CGNL1: variants seen among roughly 807,000 people sequenced by gnomAD.
CGNL1 encodes the protein cingulin like 1.
A neutral mutation model predicts 141.2 loss-of-function variants in CGNL1; 132 were observed. The ratio of observed to expected loss-of-function variants is 0.93; its 90% CI spans 0.81 to 1.08. The LOEUF is 1.08. Ranked by LOEUF, CGNL1 falls within the 50% of genes least tolerant of loss-of-function variation. The pLI, the probability that CGNL1 is intolerant of heterozygous loss-of-function variation, is 0.00. For missense variants in CGNL1, 1,870 were observed against 1,588.6 expected, an observed-to-expected ratio of 1.18 and a Z score of -3.01; for synonymous variants, 690 against 622.1, an observed-to-expected ratio of 1.11 and a Z score of -1.63.
In CGNL1 at chr15:57,498,912, C is replaced by T. The variant is rs556933209; in HGVS notation, c.2404-17868C>T. ...GGTGTGAGATGGGGCTGGAAGGGTA[C>T]GTAGATGATACAGACATTGGGGACT... is the stretch of plus-strand genomic sequence containing the variant. On this transcript the variant is annotated intron_variant, in intron 8 of 18. Transcript: ENST00000281282. Among the ~76,000 whole-genome samples, 295 of 148,614 alleles carry T rather than the reference C, an allele frequency of 2.0e-3. 2 individuals carry two copies. The highest frequency in any genetic ancestry group is 6.9e-3 in the Middle Eastern group (2 of 290).
chr15:57,469,703 A>G (rs1242194485), intron 8 of CGNL1, among the ~76,000 whole-genome samples: 1 of 150,706 alleles, frequency 6.6e-6, no homozygotes. Flanking sequence ...TAATGTTGAA[A>G]CTTTTCTCCC....
intron 2 of CGNL1, among the ~76,000 whole-genome samples, chr15:57,439,875 C>G (rs1053169622): frequency 1.3e-5 from 2 of 152,122 alleles, no homozygotes; most frequent in African/African-American, 4.8e-5. Flanking sequence ...CTCAATTGTT[C>G]TGTTTGTGTA....
At chr15:57,399,066 G>T (rs569418699) in intron 1 of CGNL1, among the ~76,000 whole-genome samples, 1 of 152,206 alleles carries the variant, frequency 6.6e-6, no homozygotes, top group East Asian at 1.9e-4. Flanking sequence ...ATAGAGGATT[G>T]GCTAAATTAT....
intron 1 of CGNL1, among the ~76,000 whole-genome samples, chr15:57,406,658 C>T (rs560987899): frequency 6.6e-6 from 1 of 152,150 alleles, no homozygotes; most frequent in African/African-American, 2.4e-5. Flanking sequence ...AACCCGACAC[C>T]CGTCTGGCCC....
chr15:57,432,885 T>C (rs1314443419), intron 1 of CGNL1, among the ~76,000 whole-genome samples: 7 of 152,238 alleles, frequency 4.6e-5, no homozygotes, highest in African/African-American at 1.4e-4. Context: ...AACAGGGAGC[T>C]AAGATTGTAA....
chr15:57,462,224 C>T (rs1284397888), intron 8 of CGNL1, among the ~76,000 whole-genome samples: 1 of 152,126 alleles, frequency 6.6e-6, no homozygotes, highest in South Asian at 2.1e-4. Flanking sequence ...GGTCAGAGGC[C>T]GAGGGCATTG....
chr15:57,465,649 C>T (rs1049304980), intron 8 of CGNL1, among the ~76,000 whole-genome samples: 3 of 143,798 alleles, frequency 2.1e-5, no homozygotes, highest in Non-Finnish European at 4.7e-5. Context: ...CTTCAACCTC[C>T]CCAAAAAAAA....
chr15:57,528,491 A>G (rs1400914573), intron 12 of CGNL1, among the ~76,000 whole-genome samples, 163 bp from the exon 13 acceptor site: 1 of 152,140 alleles, frequency 6.6e-6, no homozygotes, highest in Non-Finnish European at 1.5e-5. Context: ...AAAGGAAAGT[A>G]AGGCCCAGAG....
intron 8 of CGNL1, among the ~76,000 whole-genome samples, chr15:57,484,707 C>T (rs1252380597): frequency 1.3e-5 from 2 of 152,088 alleles, no homozygotes; most frequent in Non-Finnish European, 2.9e-5. Context: ...TAATGAGCTT[C>T]CTCCCCTTAC....
At chr15:57,496,412 G>A (rs1450346008) in intron 8 of CGNL1, among the ~76,000 whole-genome samples, 2 of 152,122 alleles carry the variant, frequency 1.3e-5, no homozygotes, top group African/African-American at 4.8e-5. Context: ...TGTTAACTGT[G>A]CATGCGAGGG....
intron 7 of CGNL1, among the ~76,000 whole-genome samples, chr15:57,460,740 C>T (rs2063435378): frequency 6.6e-6 from 1 of 152,170 alleles, no homozygotes; most frequent in East Asian, 1.9e-4. Context: ...TCATCTCCCA[C>T]AGTGTCCCCC....
At chr15:57,521,332 G>C in intron 10 of CGNL1, among the ~76,000 whole-genome samples, 1 of 152,102 alleles carries the variant, frequency 6.6e-6, no homozygotes, top group East Asian at 1.9e-4. Context: ...AAATGATTAT[G>C]GGCCCCATGC....
intron 12 of CGNL1, chr15:57,527,693 G>C (rs185208614): frequency 6.6e-6 from 1 of 152,356 alleles, no homozygotes; most frequent in African/African-American, 2.4e-5. Flanking sequence ...GTGCCACCTT[G>C]TGGATGGAAA....
chr15:57,547,309 G>A (rs759891969), intron 18 of CGNL1, 46 bp from the exon 19 acceptor site: 5 of 1,603,996 alleles, frequency 3.1e-6, no homozygotes, highest in African/African-American at 2.7e-5. Flanking sequence ...ATTAGCTATG[G>A]GCCCCGGCCC....
chr15:57,401,260 T>A (rs1225722660), intron 1 of CGNL1, among the ~76,000 whole-genome samples: 1 of 152,224 alleles, frequency 6.6e-6, no homozygotes, highest in Admixed American at 6.5e-5. Context: ...TATATAAGTA[T>A]TTGTACTCTC....
intron 1 of CGNL1, among the ~76,000 whole-genome samples, chr15:57,387,696 A>G (rs1327233473): frequency 6.6e-6 from 1 of 152,234 alleles, no homozygotes; most frequent in Non-Finnish European, 1.5e-5. Context: ...GTGGCCCTCA[A>G]TTAAGTCGTT....
intron 1 of CGNL1, among the ~76,000 whole-genome samples, chr15:57,377,668 CCT>C (rs1229447829): frequency 6.6e-6 from 1 of 152,166 alleles, no homozygotes; most frequent in East Asian, 1.9e-4. Flanking sequence ...TTTGTTTCTA[CCT>C]CTCTGTTTAC....
intron 14 of CGNL1, among the ~76,000 whole-genome samples, chr15:57,533,911 T>C (rs1412665506): frequency 6.6e-6 from 1 of 152,246 alleles, no homozygotes; most frequent in African/African-American, 2.4e-5. Context: ...GGGAACTCAC[T>C]TGGTCTGCTG....
chr15:57,384,530 G>T (rs1234515622), intron 1 of CGNL1, among the ~76,000 whole-genome samples: 1 of 152,176 alleles, frequency 6.6e-6, no homozygotes, highest in Non-Finnish European at 1.5e-5. Flanking sequence ...AGGCCTGGAT[G>T]CTGCACCTGC....
Sources: allele counts gnomAD v4.1 joint callset (sites outside exome capture counted in the v4.1 genomes callset), GRCh38; gene constraint gnomAD v4.1.1; transcripts MANE v1.5; gene names NCBI Gene and HGNC (gene_info 2026-07-23, HGNC 2026-07-21).